The following IL1RAPL1 variants were observed in gnomAD, a reference collection of about 807,000 sequenced individuals.
IL1RAPL1 encodes interleukin 1 receptor accessory protein like 1.
A neutral mutation model predicts 48.4 loss-of-function variants in IL1RAPL1; 3 were observed. The observed-to-expected ratio is 0.06, with a 90% CI of 0.03 to 0.16. The LOEUF is 0.16. Ranked by LOEUF, IL1RAPL1 falls within the 10% of genes least tolerant of loss-of-function variation. The probability of loss-of-function intolerance (pLI) is 1.00; values close to 1 mark genes in which losing one functional copy is unlikely to be tolerated. For synonymous variants in IL1RAPL1, 185 were observed against 187.7 expected (o/e 0.99, Z 0.12); for missense variants, 349 against 530.6 (o/e 0.66, Z 3.36).
intron 2 of IL1RAPL1, among the ~76,000 whole-genome samples, chrX:28,972,021 C>T (rs1925088886): frequency 9.1e-6 from 1 of 109,836 alleles, no homozygotes; most frequent in Non-Finnish European, 1.9e-5. Context: ...CTGTCATGGC[C>T]ACCACCAAAT....
chrX:29,342,896 A>G (rs1487782985), intron 3 of IL1RAPL1, among the ~76,000 whole-genome samples: 1 of 112,096 alleles, frequency 8.9e-6, no homozygotes, highest in Non-Finnish European at 1.9e-5. Flanking sequence ...ATAAGGGACC[A>G]TTGCTAGGTC....
At chrX:29,224,718 G>A (rs1219146002) in intron 2 of IL1RAPL1, among the ~76,000 whole-genome samples, 1 of 111,799 alleles carries the variant, frequency 8.9e-6, no homozygotes, top group Non-Finnish European at 1.9e-5. Context: ...TTTGGGCTTA[G>A]TCATAGAACA....
chrX:29,501,491 G>T (rs1366990187), intron 5 of IL1RAPL1, among the ~76,000 whole-genome samples: 1 of 111,381 alleles, frequency 9.0e-6, no homozygotes, highest in Non-Finnish European at 1.9e-5. Context: ...TTTGTGTATG[G>T]TGAGAGTTAG....
chrX:29,821,581 A>G (rs1930621424), intron 6 of IL1RAPL1, among the ~76,000 whole-genome samples: 1 of 112,792 alleles, frequency 8.9e-6, no homozygotes, highest in Admixed American at 9.4e-5. Flanking sequence ...CTTACTCATA[A>G]TGAATTTCAA....
intron 1 of IL1RAPL1, among the ~76,000 whole-genome samples, chrX:28,779,116 A>G (rs1936389769): frequency 9.0e-6 from 1 of 111,689 alleles, no homozygotes; most frequent in Non-Finnish European, 1.9e-5. Context: ...AACCACTTTC[A>G]TTGTATATTT....
chrX:28,801,094 G>T (rs1936669794), intron 2 of IL1RAPL1, among the ~76,000 whole-genome samples: 2 of 109,468 alleles, frequency 1.8e-5, no homozygotes, highest in African/African-American at 3.3e-5. Context: ...GTTGGCCAGG[G>T]TGGTCTCGAA....
At chrX:29,652,982 A>G (rs1195699495) in intron 5 of IL1RAPL1, among the ~76,000 whole-genome samples, 6 of 112,118 alleles carry the variant, frequency 5.4e-5, no homozygotes, top group African/African-American at 1.9e-4. Flanking sequence ...AATAGAAACA[A>G]ATTTTGCCAG....
At position 28,945,979 on chromosome X, in the gene IL1RAPL1, A is replaced by G. The variant is rs183697141; in HGVS notation, c.82+156554A>G. On this transcript the variant is annotated intron_variant, in intron 2 of 10. Coordinates refer to ENST00000378993, the MANE Select transcript of IL1RAPL1 (RefSeq NM_014271.4). The stretch of plus-strand genomic sequence containing the variant: ...TTTAAAAGGATATATTTAATCCAGT[A>G]CATAGAAAAGCAAATAACAATGTCT... 3.7e-5 allele frequency among the ~76,000 whole-genome samples: 4 copies of G among 108,418 alleles called. No homozygotes were observed. In the East Asian group the frequency reaches 8.8e-4, roughly 24 times the overall value. 94.1% of individuals were successfully genotyped at this position (108,418 alleles called of 115,157 possible).
intron 5 of IL1RAPL1, among the ~76,000 whole-genome samples, chrX:29,613,482 A>C (rs1924157713): frequency 1.8e-5 from 2 of 111,089 alleles, no homozygotes; most frequent in Admixed American, 9.6e-5. Context: ...TGTCTCTAAA[A>C]TACAATAACA....
At chrX:29,402,356 A>G (rs1438717804) in intron 5 of IL1RAPL1, among the ~76,000 whole-genome samples, 1 of 110,840 alleles carries the variant, frequency 9.0e-6, no homozygotes, top group Admixed American at 9.7e-5. Flanking sequence ...TGAGGCACGT[A>G]CTCCATGCAT....
chrX:29,707,940 TAATAAAATAAAATAA>T (rs200789169), intron 6 of IL1RAPL1, among the ~76,000 whole-genome samples: 1 of 107,916 alleles, frequency 9.3e-6, no homozygotes, highest in African/African-American at 3.4e-5. Context: ...CCTATTGAAA[TAATAAAATAAAATAA>T]AATAAAATAA....
At chrX:29,891,738 A>G (rs12840973) in intron 6 of IL1RAPL1, among the ~76,000 whole-genome samples, 14,390 of 111,073 alleles carry the variant, frequency 0.13, 877 homozygotes, top group African/African-American at 0.22. Flanking sequence ...TTCCTAGGTT[A>G]TCTTACAGTT....
At chrX:28,624,058 G>A (rs763520453) in intron 1 of IL1RAPL1, among the ~76,000 whole-genome samples, 1 of 111,547 alleles carries the variant, frequency 9.0e-6, no homozygotes, top group Non-Finnish European at 1.9e-5. Flanking sequence ...TTAGAAAATA[G>A]GGTCACATTT....
chrX:29,046,821 C>A (rs1398878552), intron 2 of IL1RAPL1, among the ~76,000 whole-genome samples: 1 of 111,998 alleles, frequency 8.9e-6, no homozygotes, highest in African/African-American at 3.2e-5. Flanking sequence ...AAAGGAAGAC[C>A]CATAATCATT....
intron 5 of IL1RAPL1, among the ~76,000 whole-genome samples, chrX:29,610,884 G>A (rs187007379): frequency 1.8e-5 from 2 of 111,961 alleles, no homozygotes; most frequent in Non-Finnish European, 3.8e-5. Context: ...TAAGTGTTGA[G>A]GACTAAGCTC....
chrX:28,597,469 C>T (rs777062760), intron 1 of IL1RAPL1, among the ~76,000 whole-genome samples: 6 of 111,740 alleles, frequency 5.4e-5, no homozygotes, highest in Admixed American at 2.9e-4. Flanking sequence ...AGTGGCTTCA[C>T]GCCTGTAATC....
At chrX:28,958,048 A>G (rs1405923185) in intron 2 of IL1RAPL1, among the ~76,000 whole-genome samples, 3 of 111,800 alleles carry the variant, frequency 2.7e-5, no homozygotes, top group Admixed American at 1.9e-4. Flanking sequence ...ATGTTTTGAA[A>G]TATGCATACA....
At chrX:29,803,479 ATATG>A (rs1481417617) in intron 6 of IL1RAPL1, among the ~76,000 whole-genome samples, 1 of 98,256 alleles carries the variant, frequency 1.0e-5, no homozygotes, top group Non-Finnish European at 2.0e-5. Context: ...ATGTATACAT[ATATG>A]TATACATCTA....
intron 1 of IL1RAPL1, among the ~76,000 whole-genome samples, chrX:28,651,366 G>A (rs986617870): frequency 1.8e-5 from 2 of 112,050 alleles, no homozygotes; most frequent in Non-Finnish European, 3.8e-5. Flanking sequence ...TATTGTTAAT[G>A]GCTGCTTTTT....
Sources: allele counts gnomAD v4.1 joint callset (sites outside exome capture counted in the v4.1 genomes callset), GRCh38; gene constraint gnomAD v4.1.1; transcripts MANE v1.5; gene names NCBI Gene and HGNC (gene_info 2026-07-23, HGNC 2026-07-21).